Variants in ASZ1 observed in about 807,000 individuals in gnomAD.
ASZ1 encodes the protein ankyrin repeat, SAM and basic leucine zipper domain-containing protein 1.
ASZ1 carries 67 observed loss-of-function variants against 61.8 expected under a neutral mutation model. That is an observed-to-expected ratio of 1.08 (90% CI 0.89 to 1.33). ASZ1 has a LOEUF of 1.33. ASZ1 is among the 40% of genes most tolerant of loss of function. The pLI, the probability that ASZ1 is intolerant of heterozygous loss-of-function variation, is 0.00. For missense variants in ASZ1, 577 were observed against 554.5 expected, an observed-to-expected ratio of 1.04 and a Z score of -0.41; for synonymous variants, 193 against 192.7, an observed-to-expected ratio of 1.00 and a Z score of -0.01.
At chr7:117,401,871 C>G (rs922346712) in intron 4 of ASZ1, among the ~76,000 whole-genome samples, 5 of 152,080 alleles carry the variant, frequency 3.3e-5, no homozygotes, top group African/African-American at 9.7e-5. Context: ...ACACATTCTA[C>G]TTAGACCATA....
At chr7:117,423,153 G>T (rs899826096) in intron 2 of ASZ1, among the ~76,000 whole-genome samples, 1 of 152,060 alleles carries the variant, frequency 6.6e-6, no homozygotes, top group Non-Finnish European at 1.5e-5. Flanking sequence ...TTGGACAATC[G>T]AATGACAAGC....
chr7:117,384,930 C>T, intron 5 of ASZ1, 70 bp from the exon 6 acceptor site: 2 of 1,350,704 alleles, frequency 1.5e-6, no homozygotes, highest in Non-Finnish European at 2.0e-6. Context: ...GAAAAGTTTT[C>T]AACAGTATTT....
intron 4 of ASZ1, among the ~76,000 whole-genome samples, chr7:117,412,076 G>T (rs1796907502): frequency 6.6e-6 from 1 of 150,566 alleles, no homozygotes; most frequent in Non-Finnish European, 1.5e-5. Flanking sequence ...GTGTGTGTGT[G>T]TGTGACTGTG....
intron 10 of ASZ1, among the ~76,000 whole-genome samples, chr7:117,377,434 G>A (rs1197807018): frequency 6.6e-6 from 1 of 151,996 alleles, no homozygotes; most frequent in Non-Finnish European, 1.5e-5. Flanking sequence ...AGGCTCAGGC[G>A]GGAGGATCAC....
At chr7:117,368,767 T>A in intron 10 of ASZ1, 50 bp from the exon 11 acceptor site, 1 of 1,599,648 alleles carries the variant, frequency 6.3e-7, no homozygotes, top group South Asian at 1.1e-5. Flanking sequence ...TAAGAGCAAT[T>A]TATTTCATTC....
intron 3 of ASZ1, 32 bp downstream of exon 3, chr7:117,422,205 C>G: frequency 6.3e-7 from 1 of 1,599,216 alleles, no homozygotes; most frequent in Non-Finnish European, 8.5e-7. Context: ...TCACAGTAAG[C>G]ATAATCATTT....
At chr7:117,425,380 C>G (rs1044173359) in intron 2 of ASZ1, among the ~76,000 whole-genome samples, 14 of 150,112 alleles carry the variant, frequency 9.3e-5, no homozygotes, top group Non-Finnish European at 1.9e-4. Flanking sequence ...ATTCTCCTGC[C>G]TCAGCCTCCC....
At chr7:117,377,260 G>A (rs1309557613) in intron 10 of ASZ1, among the ~76,000 whole-genome samples, 3 of 152,148 alleles carry the variant, frequency 2.0e-5, no homozygotes, top group Non-Finnish European at 4.4e-5. Flanking sequence ...GAAATGGTGG[G>A]TCAGGTTTGT....
intron 12 of ASZ1, among the ~76,000 whole-genome samples, chr7:117,366,300 C>T (rs1795935003): frequency 6.6e-6 from 1 of 151,970 alleles, no homozygotes; most frequent in South Asian, 2.1e-4. Context: ...TGATTTAACA[C>T]ATTAATAGCT....
At chr7:117,379,152 TATATATATATATATATACACAC>T (rs1242128507) in intron 10 of ASZ1, among the ~76,000 whole-genome samples, 4 of 102,414 alleles carry the variant, frequency 3.9e-5, no homozygotes, top group African/African-American at 1.9e-4. Flanking sequence ...TATATATATA[TATATATATATATATATACACAC>T]ACACACACAC....
At chr7:117,392,691 T>C (rs1796494222) in intron 4 of ASZ1, among the ~76,000 whole-genome samples, 1 of 152,182 alleles carries the variant, frequency 6.6e-6, no homozygotes, top group African/African-American at 2.4e-5. Context: ...ATGTTTTAAT[T>C]TGCCGATAAA....
intron 10 of ASZ1, among the ~76,000 whole-genome samples, chr7:117,378,629 T>C (rs1001425863): frequency 1.3e-5 from 2 of 152,054 alleles, no homozygotes; most frequent in African/African-American, 4.8e-5. Flanking sequence ...AGTTTTAAAA[T>C]ATACTAAATA....
At chr7:117,373,274 A>G (rs1796080846) in intron 10 of ASZ1, among the ~76,000 whole-genome samples, 1 of 152,060 alleles carries the variant, frequency 6.6e-6, no homozygotes, top group Non-Finnish European at 1.5e-5. Flanking sequence ...GAGTCTTGCT[A>G]TGTTGCCAAG....
chr7:117,427,003 A>G lies in ASZ1; in HGVS notation c.106-68T>C, dbSNP rs1236906553. On this transcript the variant is annotated intron_variant, in intron 1 of 12. Coordinates refer to ENST00000284629, the MANE Select transcript of ASZ1 (RefSeq NM_130768.3). ...TTTGTTTCCACCTCATCAGGAAACA[A>G]TAATGTTTGGTTAAGTACACAGGTT... The G allele has an allele frequency of 5.6e-6, 8 of 1,438,866 alleles. No individual in the cohort carries two copies. In the East Asian group the frequency reaches 1.2e-4, roughly 22 times the overall value. 89.1% of individuals were successfully genotyped at this position (1,438,866 alleles called of 1,614,324 possible).
chr7:117,420,980 T>A (rs1164046309), intron 3 of ASZ1, among the ~76,000 whole-genome samples: 1 of 152,196 alleles, frequency 6.6e-6, no homozygotes, highest in Non-Finnish European at 1.5e-5. Flanking sequence ...TCTTAATAGC[T>A]CATTAGATTT....
intron 4 of ASZ1, among the ~76,000 whole-genome samples, chr7:117,418,324 T>C (rs1263929501): frequency 6.6e-6 from 1 of 152,184 alleles, no homozygotes; most frequent in Admixed American, 6.5e-5. Context: ...TACATTTTAC[T>C]AAGGATTATA....
At chr7:117,382,295 G>T in intron 7 of ASZ1, 151 bp from the exon 8 acceptor site, 1 of 580,930 alleles carries the variant, frequency 1.7e-6, no homozygotes, top group Non-Finnish European at 3.1e-6. Flanking sequence ...TATATCAAAG[G>T]AATAAGTAAG....
At chr7:117,402,266 G>C (rs1796694569) in intron 4 of ASZ1, among the ~76,000 whole-genome samples, 1 of 152,120 alleles carries the variant, frequency 6.6e-6, no homozygotes. Context: ...GCCTAATGTT[G>C]CAAGTATGTA....
chr7:117,402,656 A>AT (rs1796701718), intron 4 of ASZ1, among the ~76,000 whole-genome samples: 1 of 152,148 alleles, frequency 6.6e-6, no homozygotes, highest in African/African-American at 2.4e-5. Flanking sequence ...ACTAAGTGGT[A>AT]TAGGGGCCTG....
Sources: gnomAD v4.1 joint callset for allele counts (sites outside exome capture counted in the v4.1 genomes callset) on GRCh38, gnomAD v4.1.1 for gene constraint, MANE v1.5 for transcripts, NCBI Gene and HGNC (gene_info 2026-07-23, HGNC 2026-07-21) for gene names.